The following CSMD3 variants were observed in gnomAD, a reference collection of about 807,000 sequenced individuals.
CSMD3 encodes the protein CUB and Sushi multiple domains 3, also known as CUB and sushi domain-containing protein 3.
A neutral mutation model predicts 435.2 loss-of-function variants in CSMD3; 177 were observed. That is an observed-to-expected ratio of 0.41 (90% confidence interval 0.36 to 0.46). CSMD3 has a LOEUF of 0.46. CSMD3 is among the 20% of genes least tolerant of loss of function. The pLI is 0.34. For missense variants in CSMD3, 4,265 were observed against 4,504.6 expected, an observed-to-expected ratio of 0.95 and a Z score of 1.52; for synonymous variants, 1,656 against 1,520.5, an observed-to-expected ratio of 1.09 and a Z score of -2.07.
chr8:112,341,282 G>A (rs1275717842), intron 42 of CSMD3, among the ~76,000 whole-genome samples, 195 bp downstream of exon 42: 1 of 151,678 alleles, frequency 6.6e-6, no homozygotes, highest in East Asian at 1.9e-4. Flanking sequence ...AGGTCTCAGA[G>A]AGACATCATT....
intron 28 of CSMD3, 51 bp from the exon 29 acceptor site, chr8:112,506,880 T>C (rs2130933080): frequency 1.3e-6 from 2 of 1,503,856 alleles, no homozygotes; most frequent in Non-Finnish European, 1.8e-6. Flanking sequence ...ATACAATTTA[T>C]TAGCTATCAA....
At chr8:113,218,212 A>C (rs2092928052) in intron 3 of CSMD3, among the ~76,000 whole-genome samples, 1 of 150,532 alleles carries the variant, frequency 6.6e-6, no homozygotes, top group Non-Finnish European at 1.5e-5. Flanking sequence ...ACTATAGGGA[A>C]TATTAAAGAA....
intron 28 of CSMD3, among the ~76,000 whole-genome samples, chr8:112,516,426 G>C (rs534330840): frequency 6.6e-6 from 1 of 151,986 alleles, no homozygotes; most frequent in African/African-American, 2.4e-5. Flanking sequence ...TTCCAAAAGC[G>C]GGACATTCCT....
intron 5 of CSMD3, among the ~76,000 whole-genome samples, chr8:113,038,006 G>T (rs1032582286): frequency 6.6e-6 from 1 of 152,120 alleles, no homozygotes; most frequent in Non-Finnish European, 1.5e-5. Context: ...ACAGCTGGTG[G>T]CTGGGACTGT....
intron 2 of CSMD3, among the ~76,000 whole-genome samples, chr8:113,288,734 T>TA (rs1181448344): frequency 6.6e-6 from 1 of 151,862 alleles, no homozygotes; most frequent in Non-Finnish European, 1.5e-5. Flanking sequence ...CTCTAGTGAC[T>TA]ATAAGCTTGT....
chr8:113,293,443 G>A (rs767177318), intron 2 of CSMD3, among the ~76,000 whole-genome samples: 1 of 151,928 alleles, frequency 6.6e-6, no homozygotes, highest in Non-Finnish European at 1.5e-5. Flanking sequence ...TGCTTTGGTG[G>A]CAGCAGCCCT....
At chr8:113,357,146 A>G (rs1483147049) in intron 1 of CSMD3, among the ~76,000 whole-genome samples, 1 of 152,228 alleles carries the variant, frequency 6.6e-6, no homozygotes, top group Non-Finnish European at 1.5e-5. Flanking sequence ...AGATTTATAT[A>G]GCAGTTGTTA....
intron 38 of CSMD3, among the ~76,000 whole-genome samples, chr8:112,375,209 T>C (rs1672285182): frequency 6.6e-6 from 1 of 152,110 alleles, no homozygotes; most frequent in African/African-American, 2.4e-5. Flanking sequence ...CTTAATTGGG[T>C]AAACAGTCAC....
chr8:113,039,974 T>C (rs2087535036), intron 5 of CSMD3, among the ~76,000 whole-genome samples: 1 of 152,162 alleles, frequency 6.6e-6, no homozygotes, highest in Non-Finnish European at 1.5e-5. Flanking sequence ...TCAAAGAACC[T>C]GCATTCTTGT....
intron 20 of CSMD3, among the ~76,000 whole-genome samples, chr8:112,644,397 T>C (rs1312516831): frequency 1.3e-5 from 2 of 152,158 alleles, no homozygotes; most frequent in East Asian, 1.9e-4. Flanking sequence ...TTGTTTGTTA[T>C]AGATTCCTAT....
At chr8:112,587,949 A>T (rs1332123741) in intron 22 of CSMD3, among the ~76,000 whole-genome samples, 1 of 151,912 alleles carries the variant, frequency 6.6e-6, no homozygotes, top group Non-Finnish European at 1.5e-5. Context: ...CTAAACATTT[A>T]GGAAAATGTG....
At chr8:112,991,330 G>T (rs1166831936) in intron 6 of CSMD3, among the ~76,000 whole-genome samples, 3 of 151,740 alleles carry the variant, frequency 2.0e-5, no homozygotes. Context: ...CTAGCTAGGA[G>T]ATTGGGAAGG....
chr8:112,640,437 G>C (rs973712730), intron 20 of CSMD3, among the ~76,000 whole-genome samples: 10 of 151,866 alleles, frequency 6.6e-5, no homozygotes, highest in African/African-American at 2.4e-4. Context: ...TTAAAAAAAA[G>C]GGGACAGAAA....
intron 4 of CSMD3, among the ~76,000 whole-genome samples, chr8:113,112,582 C>A (rs1303731905): frequency 1.3e-5 from 2 of 150,898 alleles, no homozygotes; most frequent in East Asian, 3.9e-4. Flanking sequence ...CCTAGAAAGC[C>A]CAGTTCTTGG....
chr8:112,549,715 C>T (rs1827507998), intron 27 of CSMD3, among the ~76,000 whole-genome samples: 1 of 151,876 alleles, frequency 6.6e-6, no homozygotes, highest in Non-Finnish European at 1.5e-5. Context: ...AAATACTGTG[C>T]ACACATGATT....
intron 31 of CSMD3, among the ~76,000 whole-genome samples, chr8:112,482,187 T>G (rs1402090047): frequency 6.6e-6 from 1 of 152,196 alleles, no homozygotes; most frequent in Non-Finnish European, 1.5e-5. Flanking sequence ...CTCTGTGAGC[T>G]GTTTTCTCCA....
chr8:112,637,325 C>T (rs559462388), intron 21 of CSMD3, among the ~76,000 whole-genome samples: 13 of 152,034 alleles, frequency 8.6e-5, no homozygotes, highest in South Asian at 2.1e-4. Flanking sequence ...CATATATTTT[C>T]GACTTACGGC....
chr8:113,309,567 T>C (rs2093851201), intron 2 of CSMD3: 1 of 152,214 alleles, frequency 6.6e-6, no homozygotes, highest in South Asian at 2.1e-4. Context: ...TCTTTACCTA[T>C]CCATTTGTTT....
chr8:112,503,581 C>T (rs995921071), intron 30 of CSMD3, among the ~76,000 whole-genome samples: 2 of 152,050 alleles, frequency 1.3e-5, no homozygotes, highest in African/African-American at 4.8e-5. Context: ...GATACCTTTC[C>T]TTTGGTAGTA....
Sources: allele counts gnomAD v4.1 joint callset (sites outside exome capture counted in the v4.1 genomes callset), GRCh38; gene constraint gnomAD v4.1.1; transcripts MANE v1.5; gene names NCBI Gene and HGNC (gene_info 2026-07-23, HGNC 2026-07-21).